Variants in PTK2 observed in about 807,000 individuals in gnomAD.
PTK2 encodes focal adhesion kinase 1.
PTK2 carries 45 observed loss-of-function variants against 150.1 expected under a neutral mutation model. The observed-to-expected ratio is 0.30, with a 90% confidence interval of 0.24 to 0.38. The LOEUF is 0.38. Ranked by LOEUF, PTK2 falls within the 10% of genes least tolerant of loss-of-function variation. PTK2 has a pLI of 1.00. For missense variants in PTK2, 919 were observed against 1,307.3 expected (o/e 0.70, Z 4.58); for synonymous variants, 432 against 449.2 (o/e 0.96, Z 0.48).
intron 1 of PTK2, among the ~76,000 whole-genome samples, chr8:140,937,921 C>T (rs1175510117): frequency 3.3e-5 from 5 of 152,160 alleles, no homozygotes; most frequent in African/African-American, 7.2e-5. Context: ...CACCCCATCT[C>T]TTACAAATAA....
chr8:140,762,806 G>C (rs80273434), intron 15 of PTK2, among the ~76,000 whole-genome samples: 7,465 of 151,862 alleles, frequency 0.049, 250 homozygotes, highest in Non-Finnish European at 0.073. Flanking sequence ...TCTGAGACAG[G>C]GTCTCACTCT....
chr8:140,974,808 G>T (rs1362795950), intron 1 of PTK2, among the ~76,000 whole-genome samples: 3 of 152,084 alleles, frequency 2.0e-5, no homozygotes, highest in Non-Finnish European at 4.4e-5. Context: ...GAATTTCAGG[G>T]GTTCATGGAC....
intron 10 of PTK2, among the ~76,000 whole-genome samples, chr8:140,815,235 A>AG (rs1193754330): frequency 6.6e-6 from 1 of 152,108 alleles, no homozygotes; most frequent in Admixed American, 6.5e-5. Flanking sequence ...AAAAAAAAAA[A>AG]GAATGAGATC....
chr8:140,870,152 T>TA (rs923136840), intron 4 of PTK2, among the ~76,000 whole-genome samples: 4 of 152,094 alleles, frequency 2.6e-5, no homozygotes, highest in South Asian at 2.1e-4. Flanking sequence ...TCAACATAGT[T>TA]AAAAAAAGTC....
At chr8:140,745,015 TA>T (rs2154474360) in intron 18 of PTK2, among the ~76,000 whole-genome samples, 1 of 152,282 alleles carries the variant, frequency 6.6e-6, no homozygotes, top group East Asian at 1.9e-4. Flanking sequence ...ACAAATTTCT[TA>T]AAAAATATAG....
Position 140,905,094 on chromosome 8 carries a change from G to A in PTK2, c.-32-14325C>T, listed in dbSNP as rs148730117. Among the ~76,000 whole-genome samples, 907 of 152,086 alleles carry A rather than the reference G, an allele frequency of 6.0e-3. 14 individuals are homozygous for A. The highest frequency in any genetic ancestry group is 0.02 in the African/African-American group (828 of 41,492). On this transcript the variant is annotated intron_variant, in intron 2 of 31. Transcript: ENST00000522684. Reference sequence around the variant, plus strand: ...CTTTTAATTGTCATGCTAGGGTGTCGATTTTAGATCTTTCCTGCTTTCTCT... The same window carrying A: ...CTTTTAATTGTCATGCTAGGGTGTCAATTTTAGATCTTTCCTGCTTTCTCT...
At chr8:140,762,169 A>C (rs2100069769) in intron 15 of PTK2, among the ~76,000 whole-genome samples, 199 bp downstream of exon 18, 1 of 152,208 alleles carries the variant, frequency 6.6e-6, no homozygotes, top group Non-Finnish European at 1.5e-5. Context: ...TATAAACAAC[A>C]CAGAACATTC....
chr8:140,699,881 C>T (rs2100029204), intron 26 of PTK2, among the ~76,000 whole-genome samples: 1 of 151,314 alleles, frequency 6.6e-6, no homozygotes, highest in Non-Finnish European at 1.5e-5. Context: ...ATTTCCTGTT[C>T]TGTTAAAATG....
chr8:140,734,999 C>T, intron 22 of PTK2: 1 of 533,144 alleles, frequency 1.9e-6, no homozygotes, highest in Non-Finnish European at 3.4e-6. Context: ...GTAAGCCATG[C>T]TAAGTCAGAA....
chr8:140,861,980 A>G (rs1428180075), intron 5 of PTK2, among the ~76,000 whole-genome samples: 4 of 152,248 alleles, frequency 2.6e-5, no homozygotes, highest in African/African-American at 9.6e-5. Context: ...ACTGAATTCT[A>G]TAGACTACCA....
intron 14 of PTK2, among the ~76,000 whole-genome samples, chr8:140,782,430 G>GT (rs1176298252): frequency 2.0e-5 from 3 of 152,048 alleles, no homozygotes; most frequent in Non-Finnish European, 4.4e-5. Flanking sequence ...TAGAGACAGG[G>GT]TTTCACCATG....
At chr8:140,693,270 G>C (rs1205716167) in intron 26 of PTK2, among the ~76,000 whole-genome samples, 1 of 152,002 alleles carries the variant, frequency 6.6e-6, no homozygotes, top group Non-Finnish European at 1.5e-5. Context: ...AAGGGAGTGT[G>C]GGGCCAGGCG....
intron 22 of PTK2, among the ~76,000 whole-genome samples, chr8:140,725,279 A>G (rs2154332832): frequency 6.6e-6 from 1 of 152,340 alleles, no homozygotes; most frequent in South Asian, 2.1e-4. Context: ...GATTACAGGC[A>G]TGAGCCACCG....
intron 2 of PTK2, among the ~76,000 whole-genome samples, chr8:140,911,893 A>G (rs1388928501): frequency 6.6e-6 from 1 of 152,196 alleles, no homozygotes; most frequent in Admixed American, 6.5e-5. Flanking sequence ...CCTCATAAAC[A>G]TAGATACAAA....
chr8:140,898,939 C>A (rs1168589449), intron 2 of PTK2, among the ~76,000 whole-genome samples: 1 of 152,142 alleles, frequency 6.6e-6, no homozygotes, highest in Non-Finnish European at 1.5e-5. Context: ...GAAATTATGA[C>A]CTAACTTGAA....
At chr8:140,816,463 G>C (rs2154601537) in intron 10 of PTK2, among the ~76,000 whole-genome samples, 1 of 152,342 alleles carries the variant, frequency 6.6e-6, no homozygotes, top group Admixed American at 6.5e-5. Flanking sequence ...AGTCAGGACA[G>C]TGGTCATCCT....
chr8:140,928,099 G>T (rs561449239), intron 1 of PTK2, among the ~76,000 whole-genome samples: 2 of 150,430 alleles, frequency 1.3e-5, no homozygotes, highest in Non-Finnish European at 3.0e-5. Context: ...TCCAAACGGA[G>T]CTACATAGTA....
At position 140,958,530 on chromosome 8, in the gene PTK2, G is replaced by T. The variant is rs2100181991; in HGVS notation, c.-121-32781C>A. Among the ~76,000 whole-genome samples, 3 of 152,162 alleles carry T rather than the reference G, an allele frequency of 2.0e-5. No individual in the cohort carries two copies. The South Asian group carries it at 6.2e-4, about 31-fold the overall frequency. ...TTTATGGTTGCTTTTTGTGTCCAGA[G>T]ATAATAAGATGTTATCCATCATAAT... On this transcript the variant is annotated intron_variant, in intron 1 of 31. Transcript: ENST00000522684.
chr8:140,758,243 C>A (rs147251151), intron 16 of PTK2, among the ~76,000 whole-genome samples: 13 of 152,142 alleles, frequency 8.5e-5, no homozygotes, highest in Non-Finnish European at 1.8e-4. Flanking sequence ...TGTGCACCAC[C>A]AGGCCAGGTT....
Sources: allele counts gnomAD v4.1 joint callset (sites outside exome capture counted in the v4.1 genomes callset), GRCh38; gene constraint gnomAD v4.1.1; transcripts MANE v1.5; gene names NCBI Gene and HGNC (gene_info 2026-07-23, HGNC 2026-07-21).